Variants in MANBA observed in about 807,000 individuals in gnomAD.
MANBA encodes the protein mannosidase beta.
Under a neutral mutation model 111.1 loss-of-function variants are expected in MANBA, and 83 were observed. The ratio of observed to expected loss-of-function variants is 0.75; its 90% confidence interval spans 0.63 to 0.90. MANBA has a LOEUF of 0.90. Ranked by LOEUF, MANBA falls within the 40% of genes least tolerant of loss-of-function variation. The pLI is 0.00. For missense variants in MANBA, 1,036 were observed against 1,069.0 expected (o/e 0.97, Z 0.43); for synonymous variants, 370 against 378.7 (o/e 0.98, Z 0.27).
chr4:102,741,109 C>A (rs1384535010), intron 1 of MANBA, among the ~76,000 whole-genome samples: 5 of 151,936 alleles, frequency 3.3e-5, no homozygotes, highest in Admixed American at 3.3e-4. Flanking sequence ...CAAGAAAAAT[C>A]AAATAATCCC....
chr4:102,682,183 T>G (rs1041843648), intron 7 of MANBA, among the ~76,000 whole-genome samples: 2 of 151,744 alleles, frequency 1.3e-5, no homozygotes, highest in Non-Finnish European at 2.9e-5. Flanking sequence ...AAATTAACTT[T>G]CATGTAGAAT....
chr4:102,642,683 G>T (rs1475258648), intron 13 of MANBA, among the ~76,000 whole-genome samples: 1 of 152,224 alleles, frequency 6.6e-6, no homozygotes, highest in African/African-American at 2.4e-5. Context: ...TCCTATGAGA[G>T]ACAGATGGTA....
At chr4:102,641,469 G>C (rs1729875940) in intron 13 of MANBA, among the ~76,000 whole-genome samples, 1 of 152,188 alleles carries the variant, frequency 6.6e-6, no homozygotes, top group Non-Finnish European at 1.5e-5. Context: ...GCTTGCAAGG[G>C]GGCTAGAGTG....
At chr4:102,694,809 C>T (rs1000912869) in intron 5 of MANBA, among the ~76,000 whole-genome samples, 3 of 152,026 alleles carry the variant, frequency 2.0e-5, no homozygotes, top group South Asian at 2.1e-4. Flanking sequence ...CTGGCCTGCC[C>T]TCTCCACAAT....
chr4:102,726,257 C>T (rs967699120), intron 2 of MANBA, among the ~76,000 whole-genome samples: 7 of 152,078 alleles, frequency 4.6e-5, no homozygotes, highest in African/African-American at 1.2e-4. Context: ...CTCCTGGCTT[C>T]ACCACATAGT....
chr4:102,709,527 C>A (rs1330595228), intron 5 of MANBA, among the ~76,000 whole-genome samples: 1 of 151,924 alleles, frequency 6.6e-6, no homozygotes, highest in African/African-American at 2.4e-5. Flanking sequence ...AGAAAAAAAT[C>A]CAGGACTGGA....
At chr4:102,748,689 C>A (rs894257691) in intron 1 of MANBA, among the ~76,000 whole-genome samples, 3 of 151,972 alleles carry the variant, frequency 2.0e-5, no homozygotes, top group East Asian at 1.9e-4. Context: ...CCGAGGTGGG[C>A]GGATCACAAG....
At chr4:102,704,832 A>G (rs1455672608) in intron 5 of MANBA, among the ~76,000 whole-genome samples, 1 of 152,216 alleles carries the variant, frequency 6.6e-6, no homozygotes, top group Non-Finnish European at 1.5e-5. Flanking sequence ...AACCAAATTG[A>G]TAACTATAAA....
At chr4:102,653,572 T>G (rs1730436525) in intron 12 of MANBA, among the ~76,000 whole-genome samples, 1 of 152,218 alleles carries the variant, frequency 6.6e-6, no homozygotes, top group Non-Finnish European at 1.5e-5. Context: ...TTGGTTTATT[T>G]TATTTTCCCA....
intron 11 of MANBA, among the ~76,000 whole-genome samples, chr4:102,663,943 G>A (rs1183838430): frequency 6.6e-6 from 1 of 152,184 alleles, no homozygotes; most frequent in Non-Finnish European, 1.5e-5. Context: ...CCATACAGCG[G>A]GGTTGGAGAC....
chr4:102,709,599 C>T (rs527600660), intron 5 of MANBA, among the ~76,000 whole-genome samples: 1 of 152,248 alleles, frequency 6.6e-6, no homozygotes, highest in African/African-American at 2.4e-5. Context: ...TCCACACAAA[C>T]TATTCCAAAA....
chr4:102,752,776 A>G (rs538582393), intron 1 of MANBA: 139 of 339,880 alleles, frequency 4.1e-4, no homozygotes, highest in South Asian at 3.2e-3. Context: ...ATAACAGCTA[A>G]CATTTAACTA....
At chr4:102,637,308 G>C (rs991732664) in intron 14 of MANBA, among the ~76,000 whole-genome samples, 10 of 152,210 alleles carry the variant, frequency 6.6e-5, no homozygotes, top group African/African-American at 2.4e-4. Context: ...TCAGAAAACA[G>C]AATCTATCTC....
At chr4:102,752,747 TATA>T (rs1175068372) in intron 1 of MANBA, 6 of 375,506 alleles carry the variant, frequency 1.6e-5, no homozygotes, top group African/African-American at 1.1e-4. Context: ...TTGAAATTTA[TATA>T]ATGTTTTCAC....
rs1243353160 is a variant in MANBA at position 102,634,793 on chromosome 4, T to C, written c.2410A>G (p.Ile804Val). The change falls in exon 16 of 17, where the codon ATC (isoleucine) becomes GTC (valine). Residue 804 changes from isoleucine to valine, a missense_variant. Transcript: ENST00000647097. ...CCGCCATGACCTGTGCTTACAGTGA[T>C]CTGCGCCTTGCAGAGCCCCACGGCC... ...KEAVGLCKAQITAIISQQGDI... is the reference protein window; with the variant it reads ...KEAVGLCKAQVTAIISQQGDI... The C allele has an allele frequency of 6.8e-6, 11 of 1,613,390 alleles. No individual in the cohort carries two copies. Among genetic ancestry groups the C allele is most frequent in the Non-Finnish European group, 8.5e-6 (10 of 1,180,032 alleles).
At chr4:102,697,863 A>G (rs1476353246) in intron 5 of MANBA, among the ~76,000 whole-genome samples, 1 of 152,070 alleles carries the variant, frequency 6.6e-6, no homozygotes, top group African/African-American at 2.4e-5. Context: ...AGTCCTTTGG[A>G]TATATACCCT....
At chr4:102,742,987 C>T (rs1052509280) in intron 1 of MANBA, among the ~76,000 whole-genome samples, 4 of 152,166 alleles carry the variant, frequency 2.6e-5, no homozygotes, top group African/African-American at 9.7e-5. Flanking sequence ...ATGTGTAACC[C>T]CCATCCCTGC....
At chr4:102,730,594 C>T (rs1005826447) in intron 1 of MANBA, 18 of 540,842 alleles carry the variant, frequency 3.3e-5, no homozygotes, top group Admixed American at 7.7e-5. Flanking sequence ...CTGCTCACTC[C>T]CAAAGCCTGA....
At chr4:102,644,748 G>A (rs935795081) in intron 13 of MANBA, among the ~76,000 whole-genome samples, 4 of 151,802 alleles carry the variant, frequency 2.6e-5, no homozygotes, top group African/African-American at 9.7e-5. Context: ...TTGCTAACAG[G>A]GTAGATTTTA....
Sources: gnomAD v4.1 joint callset for allele counts (sites outside exome capture counted in the v4.1 genomes callset) on GRCh38, gnomAD v4.1.1 for gene constraint, MANE v1.5 for transcripts, NCBI Gene and HGNC (gene_info 2026-07-23, HGNC 2026-07-21) for gene names.